The following KAT6A variants were observed in gnomAD, a reference collection of about 807,000 sequenced individuals.
KAT6A encodes the protein histone acetyltransferase KAT6A.
KAT6A carries 9 observed loss-of-function variants against 198.4 expected under a neutral mutation model. The observed-to-expected ratio is 0.05, with a 90% CI of 0.03 to 0.08. The LOEUF is 0.08. Among genes scored for constraint, KAT6A ranks in the 10% least tolerant of loss-of-function variants. KAT6A has a pLI of 1.00. For synonymous variants in KAT6A, 890 were observed against 883.0 expected, an observed-to-expected ratio of 1.01 and a Z score of -0.14; for missense variants, 2,077 against 2,509.9, an observed-to-expected ratio of 0.83 and a Z score of 3.69.
chr8:42,016,779 G>A (rs1759817038), intron 2 of KAT6A, among the ~76,000 whole-genome samples: 1 of 151,836 alleles, frequency 6.6e-6, no homozygotes, highest in Non-Finnish European at 1.5e-5. Context: ...TTCTTAATTA[G>A]AAAAATAAAA....
intron 2 of KAT6A, among the ~76,000 whole-genome samples, chr8:42,025,600 GGATT>G (rs749806775): frequency 3.5e-4 from 54 of 152,130 alleles, no homozygotes; most frequent in Non-Finnish European, 6.8e-4. Context: ...CTTGTTAATA[GGATT>G]ATTTGGTTTT....
chr8:41,999,610 G>A (rs1293873653), intron 2 of KAT6A, among the ~76,000 whole-genome samples: 1 of 152,128 alleles, frequency 6.6e-6, no homozygotes, highest in African/African-American at 2.4e-5. Context: ...CCCACAGGCT[G>A]GCATTCAATT....
At position 41,961,462 on chromosome 8, in the gene KAT6A, G is replaced by A. The variant is rs368234441; in HGVS notation, c.1483-6051C>T. On this transcript the variant is annotated intron_variant, in intron 8 of 16. Coordinates refer to ENST00000265713, the MANE Select transcript of KAT6A (RefSeq NM_006766.5). Reference sequence around the variant, plus strand: ...TTATTCATTCCATATTTTAAAAAGGGGGAGAGGGGTGTGTGGGCATGGTGG... The same window carrying A: ...TTATTCATTCCATATTTTAAAAAGGAGGAGAGGGGTGTGTGGGCATGGTGG... 4.8e-4 allele frequency among the ~76,000 whole-genome samples: 73 copies of A among 152,232 alleles called. 1 individual carries two copies. The South Asian group carries it at 0.015, about 31-fold the overall frequency.
chr8:41,996,330 A>G (rs1315747972), intron 2 of KAT6A, among the ~76,000 whole-genome samples: 1 of 152,260 alleles, frequency 6.6e-6, no homozygotes, highest in Non-Finnish European at 1.5e-5. Context: ...CAAGTTTTAC[A>G]GCCACTGGAA....
At chr8:41,983,179 A>T (rs1401872580) in intron 3 of KAT6A, among the ~76,000 whole-genome samples, 1 of 152,216 alleles carries the variant, frequency 6.6e-6, no homozygotes, top group Non-Finnish European at 1.5e-5. Context: ...AACTGAAAAG[A>T]GCTGTCCCTC....
chr8:41,947,146 T>A (rs946320887), intron 11 of KAT6A, among the ~76,000 whole-genome samples: 1 of 152,230 alleles, frequency 6.6e-6, no homozygotes, highest in Admixed American at 6.5e-5. Flanking sequence ...ACTTTTATAA[T>A]TTTATAAATG....
chr8:42,007,855 A>C (rs905356829), intron 2 of KAT6A, among the ~76,000 whole-genome samples: 1 of 149,360 alleles, frequency 6.7e-6, no homozygotes, highest in African/African-American at 2.5e-5. Flanking sequence ...CCAGCTACTC[A>C]GGAGGCTGAG....
In KAT6A at chr8:41,943,809, A is replaced by C; in HGVS notation, c.2167T>G (p.Cys723Gly). ...IKKLSKLTGI[C>G]PQDITSTLHH... is the part of the protein sequence containing the mutation. Reference sequence around the variant, plus strand: ...AGTGTGGAAGTGATGTCTTGAGGGCAGATTCCAGTCAACTTGCTTAACTTC... The same window carrying C: ...AGTGTGGAAGTGATGTCTTGAGGGCCGATTCCAGTCAACTTGCTTAACTTC... Residue 723 changes from cysteine to glycine, a missense_variant, in exon 13 of 17, where the codon TGC becomes GGC. This residue lies in a region of KAT6A where 127 missense variants were observed against 209.6 expected (regional missense o/e 0.61). Coordinates refer to ENST00000265713, the MANE Select transcript of KAT6A (RefSeq NM_006766.5). The C allele has an allele frequency of 6.2e-7, 1 of 1,614,050 alleles. No individual in the cohort carries two copies. Among genetic ancestry groups the C allele is most frequent in the Non-Finnish European group, 8.5e-7 (1 of 1,179,998 alleles).
At chr8:41,964,627 G>GAAAAAAAAAAAAAAAAAAA (rs61710510) in intron 8 of KAT6A, among the ~76,000 whole-genome samples, 1 of 130,922 alleles carries the variant, frequency 7.6e-6, no homozygotes, top group Non-Finnish European at 1.7e-5. Context: ...TCCAAAATCT[G>GAAAAAAAAAAAAAAAAAAA]AAAAAAAAAA....
intron 8 of KAT6A, among the ~76,000 whole-genome samples, chr8:41,964,903 CGAT>C (rs1823387943): frequency 6.6e-6 from 1 of 151,978 alleles, no homozygotes; most frequent in Non-Finnish European, 1.5e-5. Context: ...GAGGAGGAGA[CGAT>C]GATAATAAAA....
intron 2 of KAT6A, among the ~76,000 whole-genome samples, chr8:42,032,335 T>G (rs2150922573): frequency 6.6e-6 from 1 of 152,298 alleles, no homozygotes; most frequent in East Asian, 1.9e-4. Flanking sequence ...TGTACCTATG[T>G]ACAAAATTGT....
At chr8:42,016,861 T>C (rs1826295757) in intron 2 of KAT6A, among the ~76,000 whole-genome samples, 2 of 152,104 alleles carry the variant, frequency 1.3e-5, no homozygotes, top group South Asian at 2.1e-4. Flanking sequence ...ATATTTTATA[T>C]ATTACTAAAC....
intron 8 of KAT6A, chr8:41,957,022 G>A (rs753598823): frequency 1.1e-5 from 6 of 557,076 alleles, no homozygotes; most frequent in Non-Finnish European, 2.2e-5. Context: ...GGATCAGATA[G>A]AAAGCCCAAA....
chr8:41,932,952 C>T lies in KAT6A; in HGVS notation c.5268G>A (p.Leu1756=). 5 of 1,614,178 alleles carry T rather than the reference C, an allele frequency of 3.1e-6. No individual in the cohort carries two copies. The highest frequency in any genetic ancestry group is 4.2e-6 in the Non-Finnish European group (5 of 1,180,030). Residue 1756 remains leucine (L), a synonymous_variant, in exon 17 of 17, where the codon CTG becomes CTA. Coordinates refer to ENST00000265713, the MANE Select transcript of KAT6A (RefSeq NM_006766.5). ...QPSATFSLAK[L]QQLTNTIMDP... ...CCATAATGGTGTTGGTCAGCTGCTGCAGCTTGGCTAGGCTGAAGGTGGCTG... is the reference window on the plus strand; with the variant it reads ...CCATAATGGTGTTGGTCAGCTGCTGTAGCTTGGCTAGGCTGAAGGTGGCTG...
Position 42,048,925 on chromosome 8 carries a change from T to C in KAT6A, c.53A>G (p.Lys18Arg). The stretch of plus-strand genomic sequence containing the variant: ...ACGCTGTTTCTGCTTTTTCACTTTT[T>C]TGATGGCCTCCAAAATCCACTCAGT... Reference protein sequence around the residue: ...LYTEWILEAIKKVKKQKQRPS... With the variant: ...LYTEWILEAIRKVKKQKQRPS... The change falls in exon 2 of 17, where the codon AAA (lysine) becomes AGA (arginine). Residue 18 changes from lysine to arginine, a missense_variant. Coordinates refer to ENST00000265713, the MANE Select transcript of KAT6A (RefSeq NM_006766.5). 6.2e-7 allele frequency: 1 copy of C among 1,614,124 alleles called. No individual in the cohort carries two copies. The highest frequency in any genetic ancestry group is 1.1e-5 in the South Asian group (1 of 91,086).
rs755252577 is a variant in KAT6A at position 41,977,333 on chromosome 8, CAATT to C, written c.1044-10_1044-7del. The C allele has an allele frequency of 1.0e-4, 161 of 1,604,134 alleles. No individual in the cohort carries two copies. The highest frequency in any genetic ancestry group is 1.3e-4 in the Non-Finnish European group (150 of 1,173,920). Reference sequence around the variant, plus strand: ...TGCTGAAGGGACCTTTTGATCTAAACAATTAAACAGGGGAAAGGGTAAGTATTAA... The same window carrying C: ...TGCTGAAGGGACCTTTTGATCTAAACAAACAGGGGAAAGGGTAAGTATTAA... On this transcript the variant is annotated splice_region_variant and splice_polypyrimidine_tract_variant and intron_variant, in intron 6 of 16. Transcript: ENST00000265713.
Position 41,932,532 on chromosome 8 carries a change from G to A in KAT6A, c.5688C>T (p.Gly1896=), listed in dbSNP as rs944533001. The A allele has an allele frequency of 1.9e-6, 3 of 1,614,132 alleles. No individual in the cohort carries two copies. Among genetic ancestry groups the A allele is most frequent in the African/African-American group, 1.3e-5 (1 of 74,948 alleles). The part of the protein sequence containing the change: ...AGPRALAVQR[G]MNMGVNLMPT... ...GCATCAGATTAACCCCCATGTTCAT[G>A]CCACGCTGAACAGCCAGTGCGCGAG... Residue 1896 remains glycine (G), a synonymous_variant, in exon 17 of 17, where the codon GGC becomes GGT. Coordinates refer to ENST00000265713, the MANE Select transcript of KAT6A (RefSeq NM_006766.5).
intron 2 of KAT6A, among the ~76,000 whole-genome samples, chr8:42,037,692 T>C (rs1000479051): frequency 7.7e-5 from 1 of 12,974 alleles, no homozygotes; most frequent in Admixed American, 5.3e-4. Flanking sequence ...CATTGAAAGC[T>C]TTTTTTTTTT....
At chr8:41,937,676 ATGT>A (rs771796399) in intron 15 of KAT6A, 108 bp from the exon 16 acceptor site, 30 of 831,872 alleles carry the variant, frequency 3.6e-5, no homozygotes, top group South Asian at 2.4e-4. Flanking sequence ...TAAAATGAGG[ATGT>A]TGTTTGCCAA....
Sources: gnomAD v4.1 joint callset for allele counts (sites outside exome capture counted in the v4.1 genomes callset) on GRCh38, gnomAD v4.1.1 for gene constraint, gnomAD v4.1.1 regional missense constraint, MANE v1.5 for transcripts, NCBI Gene and HGNC (gene_info 2026-07-23, HGNC 2026-07-21) for gene names.